The following ADAMTS19 variants were observed in gnomAD, a reference collection of about 807,000 sequenced individuals.
The protein encoded by ADAMTS19 is A disintegrin and metalloproteinase with thrombospondin motifs 19.
In ADAMTS19, 93 loss-of-function variants were observed where a neutral mutation model predicts 153.3. The ratio of observed to expected loss-of-function variants is 0.61; its 90% CI spans 0.51 to 0.72. The LOEUF (loss-of-function observed/expected upper bound fraction) is 0.72, where lower values mean the gene tolerates loss of function less well. ADAMTS19 is among the 30% of genes least tolerant of loss of function. The probability of loss-of-function intolerance (pLI) is 0.00; values close to 1 mark genes in which losing one functional copy is unlikely to be tolerated. For synonymous variants in ADAMTS19, 600 were observed against 556.6 expected (o/e 1.08, Z -1.10); for missense variants, 1,482 against 1,552.1 (o/e 0.95, Z 0.76).
chr5:129,644,366 C>T (rs1009070084), intron 11 of ADAMTS19, among the ~76,000 whole-genome samples: 1 of 152,178 alleles, frequency 6.6e-6, no homozygotes, highest in Non-Finnish European at 1.5e-5. Context: ...ATGCTTGCAA[C>T]CTCACACCAA....
chr5:129,538,392 A>G (rs1010519603), intron 6 of ADAMTS19, among the ~76,000 whole-genome samples: 4 of 152,124 alleles, frequency 2.6e-5, no homozygotes, highest in Non-Finnish European at 5.9e-5. Flanking sequence ...ATATTGTGGC[A>G]TTAATTTTAT....
intron 21 of ADAMTS19, among the ~76,000 whole-genome samples, chr5:129,728,543 GC>G (rs1757304613): frequency 6.6e-6 from 1 of 152,036 alleles, no homozygotes; most frequent in South Asian, 2.1e-4. Context: ...AGGTCCAGAA[GC>G]CCCCTCTCTT....
chr5:129,561,291 T>C (rs940650062), intron 7 of ADAMTS19, among the ~76,000 whole-genome samples: 13 of 152,118 alleles, frequency 8.5e-5, no homozygotes, highest in African/African-American at 2.4e-4. Flanking sequence ...ATGAGGAAAA[T>C]GTGGCCTTAC....
At chr5:129,609,562 G>A (rs1287251331) in intron 8 of ADAMTS19, among the ~76,000 whole-genome samples, 3 of 152,128 alleles carry the variant, frequency 2.0e-5, no homozygotes, top group African/African-American at 7.2e-5. Context: ...TACTTATCAT[G>A]AAGACTTGTA....
chr5:129,682,755 TG>T (rs1260364085), intron 17 of ADAMTS19, among the ~76,000 whole-genome samples: 1 of 152,198 alleles, frequency 6.6e-6, no homozygotes, highest in African/African-American at 2.4e-5. Flanking sequence ...ATTAGTACAC[TG>T]TATGTGTTAC....
chr5:129,597,054 C>T (rs1486390822), intron 8 of ADAMTS19, among the ~76,000 whole-genome samples: 1 of 152,020 alleles, frequency 6.6e-6, no homozygotes, highest in Non-Finnish European at 1.5e-5. Context: ...TATTACCAGG[C>T]ATAAGTGAAG....
intron 6 of ADAMTS19, among the ~76,000 whole-genome samples, chr5:129,549,964 CTAGA>C (rs1321201314): frequency 1.3e-4 from 17 of 129,744 alleles, no homozygotes; most frequent in African/African-American, 5.0e-4. Context: ...ATGTATGTAT[CTAGA>C]TATACATATA....
chr5:129,674,549 A>G (rs1020743653), intron 16 of ADAMTS19, among the ~76,000 whole-genome samples: 1 of 152,074 alleles, frequency 6.6e-6, no homozygotes, highest in Non-Finnish European at 1.5e-5. Flanking sequence ...CTTATTAGCT[A>G]TAATTCTTGC....
intron 6 of ADAMTS19, among the ~76,000 whole-genome samples, chr5:129,543,066 TAAG>T (rs1446858854): frequency 6.6e-6 from 1 of 151,410 alleles, no homozygotes; most frequent in Non-Finnish European, 1.5e-5. Flanking sequence ...TTTTTTAATT[TAAG>T]AAGGAGTTTT....
chr5:129,696,740 G>C (rs1755573184), intron 19 of ADAMTS19, among the ~76,000 whole-genome samples: 1 of 152,162 alleles, frequency 6.6e-6, no homozygotes, highest in Non-Finnish European at 1.5e-5. Context: ...CAGGTCAAAG[G>C]TGGATTCAAA....
chr5:129,534,066 A>G (rs1752315556), intron 6 of ADAMTS19, among the ~76,000 whole-genome samples: 1 of 152,078 alleles, frequency 6.6e-6, no homozygotes. Context: ...AAGAATGTAT[A>G]TTCTGTTGAC....
intron 8 of ADAMTS19, among the ~76,000 whole-genome samples, chr5:129,601,038 A>T (rs1399224035): frequency 6.6e-6 from 1 of 151,556 alleles, no homozygotes; most frequent in Non-Finnish European, 1.5e-5. Context: ...ACCCGGCTAA[A>T]TTTTTTTTGT....
chr5:129,720,453 C>T (rs1032955896), intron 21 of ADAMTS19, among the ~76,000 whole-genome samples: 2 of 152,116 alleles, frequency 1.3e-5, no homozygotes, highest in African/African-American at 2.4e-5. Flanking sequence ...TGAGCCACCA[C>T]GCCCAGCCTA....
At chr5:129,615,630 A>G (rs906636698) in intron 8 of ADAMTS19, among the ~76,000 whole-genome samples, 1 of 152,002 alleles carries the variant, frequency 6.6e-6, no homozygotes, top group Non-Finnish European at 1.5e-5. Flanking sequence ...TTATATTAAT[A>G]CACTCATAAG....
chr5:129,644,772 G>A (rs767516937), intron 11 of ADAMTS19, among the ~76,000 whole-genome samples: 7 of 152,078 alleles, frequency 4.6e-5, no homozygotes, highest in East Asian at 1.9e-4. Flanking sequence ...TGAAAAGAGC[G>A]GAAAGAGACA....
intron 10 of ADAMTS19, among the ~76,000 whole-genome samples, chr5:129,627,195 A>C (rs2126991866): frequency 6.6e-6 from 1 of 152,230 alleles, no homozygotes; most frequent in African/African-American, 2.4e-5. Flanking sequence ...AAAAGTTTCA[A>C]GGACTAAGAC....
At chr5:129,676,801 C>G (rs1242597061) in intron 16 of ADAMTS19, among the ~76,000 whole-genome samples, 2 of 152,094 alleles carry the variant, frequency 1.3e-5, no homozygotes, top group African/African-American at 4.8e-5. Flanking sequence ...TGTGAGGCTG[C>G]TATTAAATGG....
intron 7 of ADAMTS19, among the ~76,000 whole-genome samples, chr5:129,568,558 G>T (rs1753793700): frequency 6.6e-6 from 1 of 152,178 alleles, no homozygotes; most frequent in African/African-American, 2.4e-5. Context: ...GGTCACTCAT[G>T]CCTGTAAGCC....
At chr5:129,681,579 A>C (rs1291157181) in intron 17 of ADAMTS19, among the ~76,000 whole-genome samples, 2 of 152,246 alleles carry the variant, frequency 1.3e-5, no homozygotes, top group African/African-American at 2.4e-5. Context: ...GAGAAAAGTT[A>C]ATCAATGTGC....
Sources: gnomAD v4.1 joint callset for allele counts (sites outside exome capture counted in the v4.1 genomes callset) on GRCh38, gnomAD v4.1.1 for gene constraint, MANE v1.5 for transcripts, NCBI Gene and HGNC (gene_info 2026-07-23, HGNC 2026-07-21) for gene names.